The following WWOX variants were observed in gnomAD, a reference collection of about 807,000 sequenced individuals.
The protein encoded by WWOX is WW domain-containing oxidoreductase.
A neutral mutation model predicts 46.2 loss-of-function variants in WWOX; 69 were observed. That is an observed-to-expected ratio of 1.49 (90% CI 1.23 to 1.82). The LOEUF (loss-of-function observed/expected upper bound fraction) is 1.82, where lower values mean the gene tolerates loss of function less well. Ranked by LOEUF, WWOX falls within the 40% of genes most tolerant of loss-of-function variation. WWOX has a pLI of 0.00. For missense variants in WWOX, 919 were observed against 542.6 expected (o/e 1.69, Z -6.89); for synonymous variants, 359 against 202.6 (o/e 1.77, Z -6.56).
intron 8 of WWOX, among the ~76,000 whole-genome samples, chr16:78,541,506 A>AAAAAAAAAAAC (rs2043894462): frequency 7.7e-6 from 1 of 129,658 alleles, no homozygotes; most frequent in African/African-American, 2.8e-5. Flanking sequence ...AAAAAAAAAA[A>AAAAAAAAAAAC]GACACGTACA....
chr16:78,370,673 C>G (rs751208937), intron 5 of WWOX, among the ~76,000 whole-genome samples: 6 of 151,620 alleles, frequency 4.0e-5, no homozygotes, highest in Non-Finnish European at 7.4e-5. Flanking sequence ...TCTAAGTTTC[C>G]ATTCCTTATA....
intron 8 of WWOX, among the ~76,000 whole-genome samples, chr16:79,145,238 C>G (rs554295575): frequency 4.1e-4 from 62 of 152,218 alleles, no homozygotes; most frequent in Non-Finnish European, 5.9e-5. Flanking sequence ...ATGGTTCTAT[C>G]AGTGATGCCA....
intron 8 of WWOX, among the ~76,000 whole-genome samples, chr16:78,436,782 C>A (rs940590858): frequency 6.6e-6 from 1 of 152,150 alleles, no homozygotes; most frequent in East Asian, 1.9e-4. Context: ...TAAGATAGAC[C>A]AGACTGACTG....
At chr16:78,980,998 C>G (rs2046670226) in intron 8 of WWOX, among the ~76,000 whole-genome samples, 1 of 152,144 alleles carries the variant, frequency 6.6e-6, no homozygotes, top group South Asian at 2.1e-4. Flanking sequence ...ATGTAGAAAT[C>G]TGTGCTAAGA....
chr16:78,623,998 G>C (rs2046251278), intron 8 of WWOX, among the ~76,000 whole-genome samples: 2 of 152,080 alleles, frequency 1.3e-5, no homozygotes, highest in Non-Finnish European at 2.9e-5. Flanking sequence ...CAAAGTCCAG[G>C]TTGCACCATC....
intron 8 of WWOX, among the ~76,000 whole-genome samples, chr16:78,705,514 C>A (rs943926072): frequency 6.6e-6 from 1 of 152,172 alleles, no homozygotes; most frequent in African/African-American, 2.4e-5. Flanking sequence ...TCGCCTCACA[C>A]GTTTGCTAAT....
chr16:78,868,757 C>CT, intron 8 of WWOX, among the ~76,000 whole-genome samples: 1 of 152,308 alleles, frequency 6.6e-6, no homozygotes, highest in Admixed American at 6.5e-5. Context: ...CTATATATGT[C>CT]TAAAATTCAC....
At chr16:78,229,191 A>T (rs2037165283) in intron 5 of WWOX, among the ~76,000 whole-genome samples, 1 of 151,994 alleles carries the variant, frequency 6.6e-6, no homozygotes, top group African/African-American at 2.4e-5. Context: ...TGAGGTTACG[A>T]ATCATAGTGT....
intron 5 of WWOX, among the ~76,000 whole-genome samples, chr16:78,172,806 T>C (rs1308526439): frequency 6.6e-6 from 1 of 152,220 alleles, no homozygotes. Flanking sequence ...CCCTGAGTTC[T>C]TATTAAGCAA....
intron 8 of WWOX, among the ~76,000 whole-genome samples, chr16:78,961,733 G>A (rs1179918288): frequency 6.6e-6 from 1 of 152,164 alleles, no homozygotes; most frequent in Non-Finnish European, 1.5e-5. Flanking sequence ...TTCTGGTTCA[G>A]TAAGTCTGAG....
chr16:78,115,236 A>G, intron 4 of WWOX, 82 bp downstream of exon 4: 3 of 1,532,134 alleles, frequency 2.0e-6, no homozygotes, highest in Non-Finnish European at 1.8e-6. Flanking sequence ...AATTTTGTTT[A>G]GTGGTTCTCT....
chr16:78,515,372 C>T (rs1473259713), intron 8 of WWOX, among the ~76,000 whole-genome samples: 2 of 152,138 alleles, frequency 1.3e-5, no homozygotes, highest in Admixed American at 1.3e-4. Context: ...TACAGCTAAG[C>T]TCATCGTAGT....
At chr16:79,125,781 C>A (rs1010442042) in intron 8 of WWOX, among the ~76,000 whole-genome samples, 1 of 152,176 alleles carries the variant, frequency 6.6e-6, no homozygotes, top group African/African-American at 2.4e-5. Context: ...ACTTCAGAGC[C>A]CCTTGTGCTA....
At chr16:78,631,765 A>T (rs376985608) in intron 8 of WWOX, among the ~76,000 whole-genome samples, 22 of 152,244 alleles carry the variant, frequency 1.4e-4, no homozygotes, top group African/African-American at 5.3e-4. Flanking sequence ...GGCTCAAGCA[A>T]TCTGCTCACC....
chr16:78,984,758 C>G (rs1413595913), intron 8 of WWOX, among the ~76,000 whole-genome samples: 2 of 152,220 alleles, frequency 1.3e-5, no homozygotes, highest in Non-Finnish European at 2.9e-5. Flanking sequence ...TCTTCGTCCT[C>G]TTTTCGTGAT....
chr16:78,905,176 G>T (rs1243595981), intron 8 of WWOX, among the ~76,000 whole-genome samples: 4 of 152,176 alleles, frequency 2.6e-5, no homozygotes, highest in African/African-American at 9.7e-5. Context: ...TGGACACCAA[G>T]CTGCTGGCCT....
intron 8 of WWOX, among the ~76,000 whole-genome samples, chr16:79,135,543 T>C (rs2049966853): frequency 6.6e-6 from 1 of 152,214 alleles, no homozygotes; most frequent in African/African-American, 2.4e-5. Flanking sequence ...CATTTCAGCT[T>C]ATACCTTGAC....
At chr16:78,566,516 A>C (rs1342081016) in intron 8 of WWOX, among the ~76,000 whole-genome samples, 1 of 152,146 alleles carries the variant, frequency 6.6e-6, no homozygotes, top group Non-Finnish European at 1.5e-5. Context: ...TGAGGCATCC[A>C]TGTGAGGCAC....
chr16:79,208,618 A>C (rs749271593), intron 8 of WWOX, among the ~76,000 whole-genome samples: 5 of 133,796 alleles, frequency 3.7e-5, no homozygotes, highest in East Asian at 2.0e-4. Flanking sequence ...ATGGTGATTA[A>C]AGTGCTCTTT....
Sources: gnomAD v4.1 joint callset for allele counts (sites outside exome capture counted in the v4.1 genomes callset) on GRCh38, gnomAD v4.1.1 for gene constraint, MANE v1.5 for transcripts, NCBI Gene and HGNC (gene_info 2026-07-23, HGNC 2026-07-21) for gene names.